The following CTNNA3 variants were observed in gnomAD, a reference collection of about 807,000 sequenced individuals.
CTNNA3 encodes the protein catenin alpha 3, also known as catenin alpha-3.
A neutral mutation model predicts 95.7 loss-of-function variants in CTNNA3; 76 were observed. The observed-to-expected ratio is 0.79, with a 90% CI of 0.66 to 0.96. CTNNA3 has a LOEUF of 0.96. CTNNA3 is among the 40% of genes least tolerant of loss of function. The pLI, the probability that CTNNA3 is intolerant of heterozygous loss-of-function variation, is 0.00. For synonymous variants in CTNNA3, 431 were observed against 374.4 expected, an observed-to-expected ratio of 1.15 and a Z score of -1.74; for missense variants, 1,191 against 1,089.8, an observed-to-expected ratio of 1.09 and a Z score of -1.31.
intron 1 of CTNNA3, among the ~76,000 whole-genome samples, chr10:67,738,479 A>C (rs1206423204): frequency 6.6e-6 from 1 of 152,192 alleles, no homozygotes; most frequent in African/African-American, 2.4e-5. Context: ...TAAAACCACA[A>C]AGATGGGGAA....
intron 14 of CTNNA3, chr10:66,078,972 A>T (rs921055136): frequency 2.6e-5 from 4 of 151,996 alleles, no homozygotes; most frequent in African/African-American, 9.7e-5. Context: ...GACCCAGTTT[A>T]CAGTAAATTG....
intron 11 of CTNNA3, among the ~76,000 whole-genome samples, chr10:66,437,760 A>G (rs1589249956): frequency 6.6e-6 from 1 of 152,106 alleles, no homozygotes; most frequent in East Asian, 1.9e-4. Context: ...AGGAGTTGTG[A>G]TCCTTTGGAA....
chr10:67,284,533 T>TA lies in CTNNA3; in HGVS notation c.580-64664dup, dbSNP rs200097818. On this transcript the variant is annotated intron_variant, in intron 5 of 17. Transcript: ENST00000433211. ...TTTATCTGTACTTACAGCGAGTAAGTAAAAAAAAATTAATGTTTTAATAAT... is the reference window on the plus strand; with the variant it reads ...TTTATCTGTACTTACAGCGAGTAAGTAAAAAAAAAATTAATGTTTTAATAAT... 4.1e-3 allele frequency among the ~76,000 whole-genome samples: 622 copies of TA among 151,800 alleles called. 6 individuals carry two copies. Among genetic ancestry groups the TA allele is most frequent in the African/African-American group, 0.014 (596 of 41,422 alleles).
At chr10:66,411,251 C>T (rs2093103003) in intron 11 of CTNNA3, among the ~76,000 whole-genome samples, 1 of 146,520 alleles carries the variant, frequency 6.8e-6, no homozygotes, top group Non-Finnish European at 1.5e-5. Context: ...AAAGTATAGA[C>T]CAGAATATTA....
chr10:66,922,400 C>T (rs1589428442), intron 7 of CTNNA3, among the ~76,000 whole-genome samples: 1 of 152,182 alleles, frequency 6.6e-6, no homozygotes, highest in African/African-American at 2.4e-5. Context: ...TCTTTTAGAA[C>T]ACAGTCTTTT....
chr10:67,710,776 A>T (rs1303422111), intron 1 of CTNNA3, among the ~76,000 whole-genome samples: 3 of 152,176 alleles, frequency 2.0e-5, no homozygotes, highest in Non-Finnish European at 4.4e-5. Flanking sequence ...AAATTAGGGA[A>T]ATAATCTGTG....
At chr10:66,123,638 C>A (rs1048690588) in intron 13 of CTNNA3, among the ~76,000 whole-genome samples, 12 of 152,294 alleles carry the variant, frequency 7.9e-5, no homozygotes, top group African/African-American at 2.4e-4. Flanking sequence ...GGGATCCCCA[C>A]CCTGCAATAA....
chr10:66,419,361 C>T (rs1472164886), intron 11 of CTNNA3, among the ~76,000 whole-genome samples: 1 of 151,790 alleles, frequency 6.6e-6, no homozygotes, highest in Non-Finnish European at 1.5e-5. Flanking sequence ...ACAAGGAAAA[C>T]TATAAGAATC....
intron 11 of CTNNA3, among the ~76,000 whole-genome samples, chr10:66,460,139 T>C (rs969719789): frequency 2.6e-5 from 4 of 152,196 alleles, no homozygotes; most frequent in Non-Finnish European, 4.4e-5. Context: ...TATTTGATTA[T>C]TTTTGTGTCA....
intron 7 of CTNNA3, among the ~76,000 whole-genome samples, chr10:67,102,719 T>G (rs1001692929): frequency 2.6e-5 from 4 of 151,922 alleles, no homozygotes; most frequent in African/African-American, 9.7e-5. Flanking sequence ...CTTTTTAATC[T>G]AAAATATTAC....
chr10:66,590,079 G>A (rs762613477), intron 10 of CTNNA3, among the ~76,000 whole-genome samples: 18 of 151,948 alleles, frequency 1.2e-4, no homozygotes, highest in Admixed American at 3.3e-4. Context: ...CTAATTCAAT[G>A]GTATTGTTTC....
chr10:67,304,116 A>G (rs1840442246), intron 5 of CTNNA3, among the ~76,000 whole-genome samples: 1 of 152,206 alleles, frequency 6.6e-6, no homozygotes, highest in Non-Finnish European at 1.5e-5. Flanking sequence ...GTAAACATAT[A>G]TAATGTGGAG....
intron 7 of CTNNA3, among the ~76,000 whole-genome samples, chr10:67,027,475 C>T (rs1274068505): frequency 6.8e-6 from 1 of 147,020 alleles, no homozygotes; most frequent in Non-Finnish European, 1.5e-5. Context: ...CGCTCTGTCA[C>T]CCAGGCTGGA....
At chr10:67,477,209 A>G (rs758425158) in intron 5 of CTNNA3, among the ~76,000 whole-genome samples, 4 of 151,874 alleles carry the variant, frequency 2.6e-5, no homozygotes, top group Admixed American at 6.6e-5. Context: ...CTTGGATCCA[A>G]GGAGGTTTCC....
chr10:67,006,680 A>G (rs1169013161), intron 7 of CTNNA3, among the ~76,000 whole-genome samples: 1 of 152,360 alleles, frequency 6.6e-6, no homozygotes, highest in Non-Finnish European at 1.5e-5. Context: ...TGATGCCATC[A>G]GCACACTATA....
At position 67,413,071 on chromosome 10, in the gene CTNNA3, C is replaced by T. The variant is rs1433099113; in HGVS notation, c.579+108771G>A. ...TGGCAGGCTGGATAAAAAGACAAGA[C>T]CCAACCAATCTGTTGTTTTCAAGAG... On this transcript the variant is annotated intron_variant, in intron 5 of 17. Transcript: ENST00000433211. Among the ~76,000 whole-genome samples, 6 of 152,160 alleles carry T rather than the reference C, an allele frequency of 3.9e-5. No individual in the cohort carries two copies. In the East Asian group the frequency reaches 1.2e-3, roughly 29 times the overall value.
chr10:67,520,343 T>C (rs1839946208), intron 5 of CTNNA3, among the ~76,000 whole-genome samples: 1 of 152,146 alleles, frequency 6.6e-6, no homozygotes, highest in African/African-American at 2.4e-5. Flanking sequence ...TTCTTCCAAA[T>C]TCACAATTAG....
intron 1 of CTNNA3, among the ~76,000 whole-genome samples, chr10:67,675,596 T>C (rs1320548828): frequency 6.6e-6 from 1 of 152,166 alleles, no homozygotes; most frequent in Admixed American, 6.5e-5. Flanking sequence ...AAGCAAGTTA[T>C]ATGGCCAAGT....
chr10:67,480,020 C>G (rs1044141232), intron 5 of CTNNA3, among the ~76,000 whole-genome samples: 1 of 151,726 alleles, frequency 6.6e-6, no homozygotes, highest in African/African-American at 2.4e-5. Context: ...AACAACCTAC[C>G]AAGATTGAAT....
Sources: gnomAD v4.1 joint callset for allele counts (sites outside exome capture counted in the v4.1 genomes callset) on GRCh38, gnomAD v4.1.1 for gene constraint, MANE v1.5 for transcripts, NCBI Gene and HGNC (gene_info 2026-07-23, HGNC 2026-07-21) for gene names.